CLASRP: variants seen among roughly 807,000 people sequenced by gnomAD.
CLASRP encodes the protein CLK4-associating serine/arginine rich protein.
Under a neutral mutation model 99.9 loss-of-function variants are expected in CLASRP, and 52 were observed. That is an observed-to-expected ratio of 0.52 (90% confidence interval 0.42 to 0.66). CLASRP has a LOEUF of 0.66. Ranked by LOEUF, CLASRP falls within the 30% of genes least tolerant of loss-of-function variation. CLASRP has a pLI of 0.00. For missense variants in CLASRP, 848 were observed against 999.2 expected (o/e 0.85, Z 2.04); for synonymous variants, 379 against 373.0 (o/e 1.02, Z -0.18).
At position 45,063,100 on chromosome 19, in the gene CLASRP, A is replaced by C. The variant is rs529980532; in HGVS notation, c.905+905A>C. On this transcript the variant is annotated intron_variant, in intron 11 of 20. Coordinates refer to ENST00000221455, the MANE Select transcript of CLASRP (RefSeq NM_007056.3). Reference sequence around the variant, plus strand: ...AAAGGTGTAGGTTAGTGCTCCATACATGGGAGTGTCAGGAATATCAGATAC... The same window carrying C: ...AAAGGTGTAGGTTAGTGCTCCATACCTGGGAGTGTCAGGAATATCAGATAC... 3.9e-4 allele frequency among the ~76,000 whole-genome samples: 59 copies of C among 152,310 alleles called. 1 individual carries two copies. The highest frequency in any genetic ancestry group is 1.3e-3 in the African/African-American group (54 of 41,570).
chr19:45,044,264 G>C (rs550210426), intron 2 of CLASRP, among the ~76,000 whole-genome samples: 1 of 152,346 alleles, frequency 6.6e-6, no homozygotes, highest in African/African-American at 2.4e-5. Flanking sequence ...ACAGGCCTGC[G>C]AGGTAGGTAT....
Position 45,067,250 on chromosome 19 carries a change from G to A in CLASRP, c.1410-87G>A. On this transcript the variant is annotated intron_variant, in intron 13 of 20. Transcript: ENST00000221455. This position sits in a 1 kb window ranked among gnomAD's most constrained non-coding sequence, Gnocchi z 4.9. ...CCTGTCACCCTGGGCCTTGCAGGAA[G>A]GAGGACTGTGGATCCGGACCCAGGG... The A allele has an allele frequency of 7.2e-7, 1 of 1,385,936 alleles. No homozygotes were observed. The highest frequency in any genetic ancestry group is 9.5e-7 in the Non-Finnish European group (1 of 1,054,534). 85.9% of individuals were successfully genotyped at this position (1,385,936 alleles called of 1,614,324 possible). A position where few individuals can be genotyped will look rare whatever the true frequency, so the allele number is the denominator to read the frequency against.
intron 1 of CLASRP, chr19:45,039,751 A>G: frequency 6.1e-6 from 1 of 162,736 alleles, no homozygotes. Flanking sequence ...TATTCTCCTT[A>G]TCCCTCTACC....
In CLASRP at chr19:45,067,563, G is replaced by A. The variant is rs202001895; in HGVS notation, c.1636G>A (p.Ala546Thr). 3.6e-4 allele frequency: 582 copies of A among 1,604,176 alleles called. 1 individual carries two copies. In the African/African-American group the frequency reaches 4.4e-3, roughly 12 times the overall value. The change falls in exon 14 of 21, where the codon GCG becomes ACG. Residue 546 changes from alanine to threonine, a missense_variant. By Grantham distance (58) the Ala-to-Thr change is moderately conservative. Around this residue, in one of 8 missense-constraint regions of CLASRP, gnomAD observed 489 missense variants for 434.7 expected, o/e 1.12. Coordinates refer to ENST00000221455, the MANE Select transcript of CLASRP (RefSeq NM_007056.3). This position sits in a 1 kb window ranked among gnomAD's most constrained non-coding sequence, Gnocchi z 4.9. ...AAGAGAGAAGCTGACCAGGCCGGCC[G>A]CGTCCCCTGCTGTGGGCGAGAAGCT... ...PAREKLTRPA[A>T]SPAVGEKLKK...
intron 2 of CLASRP, among the ~76,000 whole-genome samples, chr19:45,044,092 G>A (rs1971867895): frequency 6.6e-6 from 1 of 152,218 alleles, no homozygotes; most frequent in Admixed American, 6.5e-5. Context: ...ATATTGGCCA[G>A]GCTGGTCTCA....
chr19:45,062,044 A>G (rs1019633088), intron 10 of CLASRP, 110 bp from the exon 11 acceptor site: 64 of 767,908 alleles, frequency 8.3e-5, no homozygotes, highest in Middle Eastern at 2.4e-4. Flanking sequence ...CAGCCCCCTC[A>G]CTGTGCCAGG....
intron 2 of CLASRP, among the ~76,000 whole-genome samples, chr19:45,044,162 G>A (rs1284939743): frequency 1.3e-5 from 2 of 152,234 alleles, no homozygotes; most frequent in African/African-American, 4.8e-5. Flanking sequence ...GATTATAGGC[G>A]TGAGCCACCA....
chr19:45,045,959 C>T (rs1257160190), intron 2 of CLASRP, among the ~76,000 whole-genome samples: 1 of 152,140 alleles, frequency 6.6e-6, no homozygotes, highest in African/African-American at 2.4e-5. Flanking sequence ...TTGTATTCCC[C>T]CTCAGGACAG....
At chr19:45,049,890 A>G (rs1215808938) in intron 2 of CLASRP, among the ~76,000 whole-genome samples, 1 of 152,158 alleles carries the variant, frequency 6.6e-6, no homozygotes, top group African/African-American at 2.4e-5. Flanking sequence ...CGGGTGCTCA[A>G]AAGAAAACAA....
Position 45,067,899 on chromosome 19 carries a change from C to A in CLASRP, c.1668-116C>A. 3 of 801,506 alleles carry A rather than the reference C, an allele frequency of 3.7e-6. No individual in the cohort carries two copies. Among genetic ancestry groups the A allele is most frequent in the Non-Finnish European group, 6.6e-6 (3 of 456,152 alleles). The allele number at this position is 801,506 out of a possible 1,614,324, so 49.6% of individuals were successfully genotyped here. On this transcript the variant is annotated intron_variant, in intron 14 of 20. Coordinates refer to ENST00000221455, the MANE Select transcript of CLASRP (RefSeq NM_007056.3). This position sits in a 1 kb window ranked among gnomAD's most constrained non-coding sequence, Gnocchi z 4.9. The stretch of plus-strand genomic sequence containing the variant: ...AGAGGGACATGGTTGCACCCTGGGG[C>A]ATCTGAGGCCCATGCCTTGGCTACC...
intron 20 of CLASRP, 117 bp from the exon 21 acceptor site, chr19:45,070,686 C>A: frequency 7.7e-7 from 1 of 1,306,516 alleles, no homozygotes; most frequent in African/African-American, 1.4e-5. Context: ...GGTCTCATCC[C>A]TTGGGGAACA....
In CLASRP at chr19:45,051,939, G is replaced by A. The variant is rs1371576271; in HGVS notation, c.100-132G>A. On this transcript the variant is annotated intron_variant, in intron 2 of 20. Coordinates refer to ENST00000221455, the MANE Select transcript of CLASRP (RefSeq NM_007056.3). Reference sequence around the variant, plus strand: ...GCCGAGACAGCACCATTGCACTCCAGCCTGGGCGACAGAGTGAGGCTCCAT... The same window carrying A: ...GCCGAGACAGCACCATTGCACTCCAACCTGGGCGACAGAGTGAGGCTCCAT... The A allele has an allele frequency of 1.8e-5, 12 of 676,570 alleles. No homozygotes were observed. The African/African-American group carries it at 2.2e-4, about 12-fold the overall frequency. 41.9% of individuals were successfully genotyped at this position (676,570 alleles called of 1,614,324 possible). A position where few individuals can be genotyped will look rare whatever the true frequency, so the allele number is the denominator to read the frequency against.
At chr19:45,043,195 TTG>T (rs58669276) in intron 2 of CLASRP, among the ~76,000 whole-genome samples, 3,862 of 134,636 alleles carry the variant, frequency 0.029, 111 homozygotes, top group African/African-American at 0.079. Flanking sequence ...AAGGAATACT[TTG>T]TGTGTGTGTG....
At chr19:45,058,860 C>T (rs746595955) in intron 7 of CLASRP, among the ~76,000 whole-genome samples, 4 of 151,922 alleles carry the variant, frequency 2.6e-5, no homozygotes, top group South Asian at 2.1e-4. Flanking sequence ...CTCCCTCTCA[C>T]GTCAACCCCA....
In CLASRP at chr19:45,060,537, C is replaced by A. The variant is rs774295247; in HGVS notation, c.790-17C>A. ...GGAGGGCACCCCCTCACCAACCTGG[C>A]ACCCACCCTACTCCAGGGACGCCGC... On this transcript the variant is annotated splice_polypyrimidine_tract_variant and intron_variant, in intron 9 of 20. Transcript: ENST00000221455. This position sits in a 1 kb window ranked among gnomAD's most constrained non-coding sequence, Gnocchi z 4.6. The A allele has an allele frequency of 1.2e-6, 2 of 1,613,682 alleles. No homozygotes were observed. Among genetic ancestry groups the A allele is most frequent in the East Asian group, 4.5e-5 (2 of 44,854 alleles).
intron 13 of CLASRP, among the ~76,000 whole-genome samples, chr19:45,065,067 G>C (rs183896746): frequency 3.4e-4 from 51 of 152,224 alleles, no homozygotes; most frequent in African/African-American, 1.2e-3. Flanking sequence ...GGCCAGGAGC[G>C]GATGGGGAAG....
Position 45,069,795 on chromosome 19 carries a change from C to G in CLASRP, c.1875-227C>G, listed in dbSNP as rs1357094418. 8 of 554,320 alleles carry G rather than the reference C, an allele frequency of 1.4e-5. No individual in the cohort carries two copies. In the African/African-American group the frequency reaches 1.5e-4, roughly 10 times the overall value. 34.3% of individuals were successfully genotyped at this position (554,320 alleles called of 1,614,324 possible). A position where few individuals can be genotyped will look rare whatever the true frequency, so the allele number is the denominator to read the frequency against. ...GGCAGGAAATGATGGGACTATCCTG[C>G]CTCCCTCTGTTCCCCAGGCTTTCCT... On this transcript the variant is annotated intron_variant, in intron 18 of 20. Coordinates refer to ENST00000221455, the MANE Select transcript of CLASRP (RefSeq NM_007056.3).
In CLASRP at chr19:45,060,307, C is replaced by A; in HGVS notation, c.711-82C>A. ...GGCGTGGGGTGACTCAGGTCCCTCA[C>A]TTTCTCTGATGACTCAGTCTGTGTC... On this transcript the variant is annotated intron_variant, in intron 8 of 20. Transcript: ENST00000221455. This position sits in a 1 kb window ranked among gnomAD's most constrained non-coding sequence, Gnocchi z 4.6. 1.5e-6 allele frequency: 2 copies of A among 1,329,582 alleles called. No homozygotes were observed. The highest frequency in any genetic ancestry group is 2.2e-6 in the Non-Finnish European group (2 of 923,940). The allele number at this position is 1,329,582 out of a possible 1,614,324, so 82.4% of individuals were successfully genotyped here. A position where few individuals can be genotyped will look rare whatever the true frequency, so the allele number is the denominator to read the frequency against.
intron 3 of CLASRP, among the ~76,000 whole-genome samples, chr19:45,052,560 G>C (rs1972045285): frequency 6.6e-6 from 1 of 152,126 alleles, no homozygotes; most frequent in Admixed American, 6.5e-5. Context: ...GTGTCCCCAG[G>C]GGCAGTCAGA....
Sources: gnomAD v4.1 joint callset for allele counts (sites outside exome capture counted in the v4.1 genomes callset) on GRCh38, gnomAD v4.1.1 for gene constraint, gnomAD v4.1.1 regional missense constraint, Gnocchi (gnomAD v3.1) non-coding constraint, MANE v1.5 for transcripts, NCBI Gene and HGNC (gene_info 2026-07-23, HGNC 2026-07-21) for gene names.